The following BCKDHB variants were observed in gnomAD, a reference collection of about 807,000 sequenced individuals.
BCKDHB encodes branched chain keto acid dehydrogenase E1 subunit beta.
A neutral mutation model predicts 48.5 loss-of-function variants in BCKDHB; 41 were observed. That is an observed-to-expected ratio of 0.85 (90% CI 0.66 to 1.10). BCKDHB has a LOEUF of 1.10. BCKDHB is among the 50% of genes least tolerant of loss of function. The probability of loss-of-function intolerance (pLI) is 0.00; values close to 1 mark genes in which losing one functional copy is unlikely to be tolerated. For missense variants in BCKDHB, 496 were observed against 494.2 expected (o/e 1.00, Z -0.03); for synonymous variants, 201 against 174.8 (o/e 1.15, Z -1.18).
intron 6 of BCKDHB, among the ~76,000 whole-genome samples, chr6:80,181,710 T>C (rs1225323421): frequency 1.3e-5 from 2 of 152,216 alleles, no homozygotes; most frequent in Non-Finnish European, 1.5e-5. Context: ...AAGCATAGGC[T>C]TGGAGTTGAC....
At chr6:80,196,238 G>T (rs1774122681) in intron 6 of BCKDHB, among the ~76,000 whole-genome samples, 1 of 152,148 alleles carries the variant, frequency 6.6e-6, no homozygotes, top group Non-Finnish European at 1.5e-5. Context: ...ACCTTTACTT[G>T]AAATATGTAA....
intron 6 of BCKDHB, among the ~76,000 whole-genome samples, chr6:80,174,886 A>G (rs1011119754): frequency 1.3e-5 from 2 of 152,208 alleles, no homozygotes; most frequent in African/African-American, 2.4e-5. Context: ...TACAAAATCT[A>G]TGCATTTAAG....
intron 8 of BCKDHB, among the ~76,000 whole-genome samples, chr6:80,229,818 A>T (rs1775833152): frequency 6.6e-6 from 1 of 152,114 alleles, no homozygotes; most frequent in East Asian, 1.9e-4. Context: ...AATGACAAAG[A>T]TATCCTATTT....
chr6:80,408,545 G>A, the BCKDHB span, among the ~76,000 whole-genome samples: 1 of 151,960 alleles, frequency 6.6e-6, no homozygotes, highest in Non-Finnish European at 1.5e-5. Flanking sequence ...ACTGTTATTG[G>A]TCTATACAGA....
the BCKDHB span, among the ~76,000 whole-genome samples, chr6:80,367,932 T>TA: frequency 4.9e-3 from 741 of 152,328 alleles, 3 homozygotes; most frequent in Non-Finnish European, 5.6e-3. Flanking sequence ...TACATTTTTT[T>TA]AAAAAATTAT....
intron 3 of BCKDHB, among the ~76,000 whole-genome samples, chr6:80,157,277 T>C (rs552784488): frequency 4.6e-5 from 7 of 152,252 alleles, no homozygotes; most frequent in African/African-American, 1.4e-4. Flanking sequence ...GTGTGGGTAG[T>C]TGCATATTCA....
chr6:80,398,319 T>G, the BCKDHB span, among the ~76,000 whole-genome samples: 41 of 150,968 alleles, frequency 2.7e-4, 1 homozygote, highest in South Asian at 5.4e-3. Context: ...ATAAGAGAGA[T>G]AGACTGCTAG....
the BCKDHB span, among the ~76,000 whole-genome samples, chr6:80,371,862 C>G: frequency 6.6e-6 from 1 of 152,006 alleles, no homozygotes; most frequent in African/African-American, 2.4e-5. Context: ...ATACCAGTAC[C>G]ATGCTGTTTT....
intron 8 of BCKDHB, among the ~76,000 whole-genome samples, chr6:80,222,658 CATCT>C (rs2127865181): frequency 6.6e-6 from 1 of 152,198 alleles, no homozygotes; most frequent in Admixed American, 6.5e-5. Flanking sequence ...ATTTTCCATC[CATCT>C]GTTTCAGAGT....
chr6:80,175,187 AT>A (rs1351326348), intron 6 of BCKDHB, among the ~76,000 whole-genome samples: 1 of 152,064 alleles, frequency 6.6e-6, no homozygotes, highest in Non-Finnish European at 1.5e-5. Flanking sequence ...CCACATATGT[AT>A]TTCAGCTACC....
At chr6:80,117,406 G>A (rs1374516414) in intron 1 of BCKDHB, among the ~76,000 whole-genome samples, 1 of 152,158 alleles carries the variant, frequency 6.6e-6, no homozygotes, top group Non-Finnish European at 1.5e-5. Context: ...ATGTCATTCA[G>A]TATTAATCTG....
At chr6:80,267,177 A>G (rs1248251083) in intron 8 of BCKDHB, among the ~76,000 whole-genome samples, 1 of 152,082 alleles carries the variant, frequency 6.6e-6, no homozygotes, top group African/African-American at 2.4e-5. Flanking sequence ...CTTGTAATTT[A>G]GAGTGAGGTT....
At chr6:80,206,546 TG>T (rs1774671085) in intron 8 of BCKDHB, among the ~76,000 whole-genome samples, 1 of 151,384 alleles carries the variant, frequency 6.6e-6, no homozygotes, top group Non-Finnish European at 1.5e-5. Flanking sequence ...AAAGTTTGTG[TG>T]TGTGTGTGTG....
intron 8 of BCKDHB, among the ~76,000 whole-genome samples, chr6:80,217,628 C>T (rs1399791171): frequency 6.6e-6 from 1 of 152,154 alleles, no homozygotes; most frequent in African/African-American, 2.4e-5. Context: ...CCTTCCCTGC[C>T]CCTACTCCCT....
At chr6:80,362,199 G>A in the BCKDHB span, among the ~76,000 whole-genome samples, 2 of 152,046 alleles carry the variant, frequency 1.3e-5, no homozygotes, top group African/African-American at 4.8e-5. Context: ...TCTCTGTGAT[G>A]GTCAACTTGA....
intron 8 of BCKDHB, among the ~76,000 whole-genome samples, chr6:80,223,734 A>T (rs1423335002): frequency 6.6e-6 from 1 of 152,184 alleles, no homozygotes; most frequent in African/African-American, 2.4e-5. Context: ...ATATGTAGTA[A>T]CAGTACTGCA....
intron 4 of BCKDHB, among the ~76,000 whole-genome samples, chr6:80,168,023 C>T (rs756090605): frequency 6.6e-5 from 10 of 152,024 alleles, no homozygotes; most frequent in Non-Finnish European, 1.3e-4. Context: ...CTCACATCTG[C>T]AATCCCAGCA....
chr6:80,320,602 G>A (rs1768671600), intron 9 of BCKDHB, among the ~76,000 whole-genome samples: 1 of 152,170 alleles, frequency 6.6e-6, no homozygotes, highest in Admixed American at 6.5e-5. Context: ...TTTCCAGGGT[G>A]GAGGCCTGTA....
the BCKDHB span, among the ~76,000 whole-genome samples, chr6:80,360,785 C>T: frequency 6.6e-6 from 1 of 151,844 alleles, no homozygotes; most frequent in Non-Finnish European, 1.5e-5. Flanking sequence ...GTGGGCGACT[C>T]ACTTGGGGTC....
Sources: gnomAD v4.1 joint callset for allele counts (sites outside exome capture counted in the v4.1 genomes callset) on GRCh38, gnomAD v4.1.1 for gene constraint, MANE v1.5 for transcripts, NCBI Gene and HGNC (gene_info 2026-07-23, HGNC 2026-07-21) for gene names.